Variants in NEDD4 observed in about 807,000 individuals in gnomAD.
NEDD4 encodes the protein NEDD4 E3 ubiquitin protein ligase, also known as E3 ubiquitin-protein ligase NEDD4.
In NEDD4, 99 loss-of-function variants were observed where a neutral mutation model predicts 144.9. The observed-to-expected ratio is 0.68, with a 90% CI of 0.58 to 0.81. The LOEUF (loss-of-function observed/expected upper bound fraction) is 0.81, where lower values mean the gene tolerates loss of function less well. Among genes scored for constraint, NEDD4 ranks in the 30% least tolerant of loss-of-function variants. The probability of loss-of-function intolerance (pLI) is 0.00; values close to 1 mark genes in which losing one functional copy is unlikely to be tolerated. For missense variants in NEDD4, 985 were observed against 1,065.9 expected (o/e 0.92, Z 1.06); for synonymous variants, 318 against 350.6 (o/e 0.91, Z 1.04).
chr15:55,829,815 A>T lies in NEDD4; in HGVS notation c.*82T>A, dbSNP rs1447691659. 3.1e-6 allele frequency: 3 copies of T among 956,742 alleles called. No homozygotes were observed. Among genetic ancestry groups the T allele is most frequent in the South Asian group, 1.6e-5 (1 of 61,592 alleles). 59.3% of individuals were successfully genotyped at this position (956,742 alleles called of 1,614,324 possible). A position where few individuals can be genotyped will look rare whatever the true frequency, so the allele number is the denominator to read the frequency against. On this transcript the variant is annotated 3_prime_UTR_variant, in exon 29 of 29. Coordinates refer to ENST00000435532, the MANE Select transcript of NEDD4 (RefSeq NM_006154.4). ...TGGGAAGACTCAGTGGCCACATTTT[A>T]GTAGTTCCCCGGAAAATTTTAAGTC...
chr15:55,988,793 T>C (rs1225239297), intron 1 of NEDD4, among the ~76,000 whole-genome samples: 6 of 152,100 alleles, frequency 3.9e-5, no homozygotes, highest in African/African-American at 1.4e-4. Context: ...TGCAGCTTGC[T>C]CTCAAGTGGT....
intron 1 of NEDD4, among the ~76,000 whole-genome samples, chr15:55,979,014 T>C (rs1350939790): frequency 6.6e-6 from 1 of 151,638 alleles, no homozygotes; most frequent in African/African-American, 2.4e-5. Flanking sequence ...TTGTTATTCT[T>C]CATCCTTCTC....
At chr15:55,886,875 T>C (rs575475989) in intron 5 of NEDD4, among the ~76,000 whole-genome samples, 2 of 151,790 alleles carry the variant, frequency 1.3e-5, no homozygotes, top group East Asian at 3.9e-4. Context: ...CGAAATTAAA[T>C]AGTATGCTCC....
rs114348256 is a variant in NEDD4 at position 55,878,328 on chromosome 15, C to T, written c.292-4320G>A. 5.9e-3 allele frequency among the ~76,000 whole-genome samples: 903 copies of T among 151,964 alleles called. 13 individuals are homozygous for T. The highest frequency in any genetic ancestry group is 0.02 in the African/African-American group (843 of 41,460). ...GTCAATAATATGAATCAATAATAAACAGAAAAACTGTCCCATTAAAATGGG... is the reference window on the plus strand; with the variant it reads ...GTCAATAATATGAATCAATAATAAATAGAAAAACTGTCCCATTAAAATGGG... On this transcript the variant is annotated intron_variant, in intron 5 of 28. Transcript: ENST00000435532.
rs57813475 is a variant in NEDD4, at chr15:55,918,585, TAA to T, written c.291+6059_291+6060del. On this transcript the variant is annotated intron_variant, in intron 5 of 28. Transcript: ENST00000435532. ...TGTAAAACATATACTCATACTTTGT[TAA>T]AAAAAAAAAACTGCTTAAGATAGAT... Among the ~76,000 whole-genome samples the T allele has an allele frequency of 6.7e-3, 992 of 148,146 alleles. 10 individuals are homozygous for T. The highest frequency in any genetic ancestry group is 0.022 in the African/African-American group (892 of 40,618).
chr15:55,857,888 T>C (rs1200892602), intron 11 of NEDD4, among the ~76,000 whole-genome samples: 2 of 152,102 alleles, frequency 1.3e-5, no homozygotes, highest in African/African-American at 4.8e-5. Flanking sequence ...TGCAGTGGGC[T>C]ATGATCATGC....
intron 2 of NEDD4, among the ~76,000 whole-genome samples, chr15:55,960,309 C>G (rs139830531): frequency 1.1e-3 from 167 of 152,326 alleles, no homozygotes; most frequent in African/African-American, 3.8e-3. Context: ...CACCCTCAAT[C>G]TGGGTGGGCA....
chr15:55,904,875 C>G (rs1595824020), intron 5 of NEDD4, among the ~76,000 whole-genome samples: 1 of 151,920 alleles, frequency 6.6e-6, no homozygotes, highest in Non-Finnish European at 1.5e-5. Context: ...GGTGGATCAC[C>G]TGAGGTTGGG....
intron 4 of NEDD4, among the ~76,000 whole-genome samples, chr15:55,940,342 T>A (rs1274108028): frequency 6.6e-6 from 1 of 152,232 alleles, no homozygotes; most frequent in Admixed American, 6.5e-5. Flanking sequence ...TGTATGCATA[T>A]GTTTAAACCT....
intron 4 of NEDD4, among the ~76,000 whole-genome samples, chr15:55,951,110 A>C (rs896533830): frequency 1.8e-4 from 28 of 152,222 alleles, no homozygotes; most frequent in African/African-American, 6.8e-4. Context: ...TTTATGAGAA[A>C]ACACTGAATC....
At chr15:55,993,031 G>A (rs1282060540) in intron 1 of NEDD4, among the ~76,000 whole-genome samples, 1 of 152,182 alleles carries the variant, frequency 6.6e-6, no homozygotes, top group Admixed American at 6.5e-5. Flanking sequence ...AAACAAACCA[G>A]CGAATGACAA....
chr15:55,850,552 G>A lies in NEDD4; in HGVS notation c.1337C>T (p.Thr446Ile). 6.2e-7 allele frequency: 1 copy of A among 1,614,110 alleles called. No homozygotes were observed. The highest frequency in any genetic ancestry group is 8.5e-7 in the Non-Finnish European group (1 of 1,179,982). ...AAGTATCAAAGTTACCCAGGTGGTG[G>A]TTTTAGTGTTGTGGTCAATAAAGAA... The part of the protein sequence containing the change: ...RPFFIDHNTK[T>I]TTWEDPRLKI... Residue 446 changes from threonine (T) to isoleucine (I), a missense_variant, in exon 14 of 29, where the codon ACC becomes ATC. By Grantham distance (89) the Thr-to-Ile change is moderately conservative. Coordinates refer to ENST00000435532, the MANE Select transcript of NEDD4 (RefSeq NM_006154.4).
In NEDD4 at chr15:55,852,430, A is replaced by G. The variant is rs755061013; in HGVS notation, c.1140T>C (p.Thr380=). ...TTGATAGATTACAGGATACCTGTAC[A>G]GTGGGCTTTGTCCAAGTAGTCGTTC... The part of the protein sequence containing the change: ...NSRTTTWTKP[T]VQATVETSQL... Residue 380 remains threonine, a synonymous_variant, in exon 13 of 29, where the codon ACT becomes ACC. Coordinates refer to ENST00000435532, the MANE Select transcript of NEDD4 (RefSeq NM_006154.4). The G allele has an allele frequency of 5.2e-5, 83 of 1,611,588 alleles. No individual in the cohort carries two copies. Among genetic ancestry groups the G allele is most frequent in the Non-Finnish European group, 6.6e-5 (78 of 1,178,688 alleles).
chr15:55,983,312 G>A (rs754122518), intron 1 of NEDD4, among the ~76,000 whole-genome samples: 6 of 152,158 alleles, frequency 3.9e-5, no homozygotes, highest in Non-Finnish European at 5.9e-5. Context: ...GTGCGCGCGC[G>A]TGCGTGCATT....
intron 1 of NEDD4, among the ~76,000 whole-genome samples, chr15:55,967,105 G>A (rs1195696165): frequency 1.3e-5 from 2 of 152,106 alleles, no homozygotes; most frequent in African/African-American, 2.4e-5. Context: ...GGCTGGTCTC[G>A]AACTCCTGAC....
rs1385669556 is a variant in NEDD4, at chr15:55,873,953, C to G, written c.342+5G>C. On this transcript the variant is annotated splice_donor_5th_base_variant and intron_variant, in intron 6 of 28. Transcript: ENST00000435532. ...AAAAGGAAAATCATGGACACCTATACCAACCGGTAATGGATAAAGTGGAAC... is the reference window on the plus strand; with the variant it reads ...AAAAGGAAAATCATGGACACCTATAGCAACCGGTAATGGATAAAGTGGAAC... 1.3e-6 allele frequency: 2 copies of G among 1,530,042 alleles called. No individual in the cohort carries two copies. The highest frequency in any genetic ancestry group is 3.9e-5 in the Admixed American group (2 of 51,856). 94.8% of individuals were successfully genotyped at this position (1,530,042 alleles called of 1,614,324 possible).
chr15:55,838,317 AC>A, intron 22 of NEDD4, 137 bp from the exon 23 acceptor site: 1 of 724,440 alleles, frequency 1.4e-6, no homozygotes, highest in Non-Finnish European at 2.3e-6. Context: ...AACTTAAAAT[AC>A]TAGTTTTACT....
intron 5 of NEDD4, chr15:55,915,743 C>G: frequency 6.2e-7 from 1 of 1,613,944 alleles, no homozygotes; most frequent in South Asian, 1.1e-5. Context: ...CACAGACAGT[C>G]TGTCTGGGAG....
intron 1 of NEDD4, among the ~76,000 whole-genome samples, chr15:55,968,684 G>A (rs1332088435): frequency 6.6e-6 from 1 of 152,192 alleles, no homozygotes; most frequent in African/African-American, 2.4e-5. Flanking sequence ...CTGTTGGTGG[G>A]AGTGTAAATT....
Sources: allele counts gnomAD v4.1 joint callset (sites outside exome capture counted in the v4.1 genomes callset), GRCh38; gene constraint gnomAD v4.1.1; transcripts MANE v1.5; gene names NCBI Gene and HGNC (gene_info 2026-07-23, HGNC 2026-07-21).